The following CDK19 variants were observed in gnomAD, a reference collection of about 807,000 sequenced individuals.
CDK19 encodes the protein cyclin-dependent kinase 19.
CDK19 carries 20 observed loss-of-function variants against 68.3 expected under a neutral mutation model. That is an observed-to-expected ratio of 0.29 (90% CI 0.21 to 0.43). The LOEUF is 0.43. CDK19 is among the 20% of genes least tolerant of loss of function. CDK19 has a pLI of 1.00. For synonymous variants in CDK19, 221 were observed against 222.8 expected (o/e 0.99, Z 0.07); for missense variants, 339 against 623.5 (o/e 0.54, Z 4.86).
At chr6:110,626,147 C>T (rs1282911940) in intron 8 of CDK19, among the ~76,000 whole-genome samples, 1 of 152,166 alleles carries the variant, frequency 6.6e-6, no homozygotes, top group Non-Finnish European at 1.5e-5. Context: ...GAACTGAGAA[C>T]TTTATTCATG....
intron 1 of CDK19, among the ~76,000 whole-genome samples, chr6:110,785,034 T>C (rs1401913989): frequency 1.4e-5 from 2 of 145,858 alleles, no homozygotes; most frequent in African/African-American, 5.2e-5. Context: ...ATGGTGATAA[T>C]TATACAATCC....
intron 1 of CDK19, among the ~76,000 whole-genome samples, chr6:110,808,223 T>C (rs76519399): frequency 0.025 from 3,751 of 152,310 alleles, 77 homozygotes; most frequent in South Asian, 0.06. Flanking sequence ...TCACACTAAC[T>C]ACATTCCAGT....
chr6:110,723,194 G>A (rs1168847099), intron 2 of CDK19, among the ~76,000 whole-genome samples: 2 of 146,942 alleles, frequency 1.4e-5, no homozygotes, highest in Admixed American at 6.9e-5. Context: ...TTTAACATTC[G>A]AGGCCGCCAG....
Position 110,614,270 on chromosome 6 carries a change from C to A in CDK19, c.*265G>T. 1 of 310,698 alleles carries A rather than the reference C, an allele frequency of 3.2e-6. No homozygotes were observed. The highest frequency in any genetic ancestry group is 6.0e-6 in the Non-Finnish European group (1 of 167,414). 19.2% of individuals were successfully genotyped at this position (310,698 alleles called of 1,614,324 possible). ...AGAAATGCTGAAGGTTACAGAAGTG[C>A]TGGGATTAGATCAGACGCTTTATCA... is the stretch of plus-strand genomic sequence containing the variant. On this transcript the variant is annotated 3_prime_UTR_variant, in exon 13 of 13. Coordinates refer to ENST00000368911, the MANE Select transcript of CDK19 (RefSeq NM_015076.5).
At chr6:110,759,366 C>T (rs1176547727) in intron 1 of CDK19, among the ~76,000 whole-genome samples, 2 of 137,476 alleles carry the variant, frequency 1.5e-5, no homozygotes, top group Non-Finnish European at 3.0e-5. Context: ...GATGGCACCA[C>T]TGCACTCCAG....
chr6:110,734,520 G>GCTCTCTCCCTCTCTCTCTCTCTCTCTCT (rs1777052623), intron 2 of CDK19, among the ~76,000 whole-genome samples: 3 of 85,780 alleles, frequency 3.5e-5, no homozygotes, highest in Admixed American at 1.9e-4. Flanking sequence ...GGTGAGCACT[G>GCTCTCTCCCTCTCTCTCTCTCTCTCTCT]CTCTCTCTCT....
At chr6:110,769,794 T>A (rs1779879095) in intron 1 of CDK19, among the ~76,000 whole-genome samples, 1 of 152,114 alleles carries the variant, frequency 6.6e-6, no homozygotes, top group South Asian at 2.1e-4. Context: ...TATGTCTTGA[T>A]ACAGATACTC....
At chr6:110,640,167 T>C (rs894970693) in intron 4 of CDK19, among the ~76,000 whole-genome samples, 2 of 139,576 alleles carry the variant, frequency 1.4e-5, no homozygotes, top group African/African-American at 5.5e-5. Flanking sequence ...GCTACCAGGG[T>C]ACTACTGTGA....
intron 1 of CDK19, among the ~76,000 whole-genome samples, chr6:110,767,406 T>C (rs1293653341): frequency 6.7e-6 from 1 of 150,098 alleles, no homozygotes; most frequent in Non-Finnish European, 1.5e-5. Flanking sequence ...TGACCTGAGG[T>C]CAGGAGTTCG....
chr6:110,656,373 G>A (rs1341486972), intron 4 of CDK19, among the ~76,000 whole-genome samples: 4 of 152,146 alleles, frequency 2.6e-5, no homozygotes, highest in Admixed American at 2.6e-4. Context: ...AGCTAAAAAT[G>A]ACAATTAGGT....
chr6:110,675,237 G>A (rs1238519856), intron 2 of CDK19, among the ~76,000 whole-genome samples: 1 of 152,182 alleles, frequency 6.6e-6, no homozygotes, highest in Non-Finnish European at 1.5e-5. Flanking sequence ...AGCTTCAAAG[G>A]ACAGGCTGAC....
chr6:110,764,287 AG>A (rs1229962671), intron 1 of CDK19, among the ~76,000 whole-genome samples: 1 of 152,204 alleles, frequency 6.6e-6, no homozygotes, highest in Non-Finnish European at 1.5e-5. Context: ...CAAAAGACCC[AG>A]AATAACCAAT....
At chr6:110,717,713 T>C (rs1296134190) in intron 2 of CDK19, among the ~76,000 whole-genome samples, 1 of 152,122 alleles carries the variant, frequency 6.6e-6, no homozygotes, top group East Asian at 1.9e-4. Context: ...TGTTTTGTTT[T>C]GTTTTCAGGT....
chr6:110,807,043 T>C (rs1449793784), intron 1 of CDK19, among the ~76,000 whole-genome samples: 2 of 151,822 alleles, frequency 1.3e-5, no homozygotes, highest in East Asian at 3.9e-4. Flanking sequence ...CTTATGCCTG[T>C]AACCCCAGCA....
upstream of CDK19, chr6:110,815,492 G>A (rs114707597): frequency 2.3e-3 from 406 of 178,418 alleles, 2 homozygotes; most frequent in African/African-American, 9.3e-3. Context: ...GGTCGCGGAG[G>A]CTCCTGGGAA....
chr6:110,641,976 T>G (rs986519158), intron 4 of CDK19, among the ~76,000 whole-genome samples: 7 of 152,182 alleles, frequency 4.6e-5, no homozygotes, highest in Middle Eastern at 3.2e-3. Context: ...GAAATGCAAC[T>G]GGAAAACAAC....
At chr6:110,799,160 A>C (rs1199954097) in intron 1 of CDK19, among the ~76,000 whole-genome samples, 1 of 150,686 alleles carries the variant, frequency 6.6e-6, no homozygotes, top group Non-Finnish European at 1.5e-5. Context: ...AAAAAAAAAA[A>C]AAAAAAAAAA....
intron 2 of CDK19, 149 bp from the exon 3 acceptor site, chr6:110,670,690 C>A (rs911721947): frequency 3.0e-6 from 2 of 658,274 alleles, no homozygotes; most frequent in Middle Eastern, 2.4e-4. Context: ...AAAATACTGG[C>A]ATTCAGAGAT....
chr6:110,648,013 C>CT (rs1211700075), intron 4 of CDK19, among the ~76,000 whole-genome samples: 1 of 151,976 alleles, frequency 6.6e-6, no homozygotes, highest in East Asian at 1.9e-4. Flanking sequence ...AAAAAAACAG[C>CT]TGATAGAATT....
Sources: gnomAD v4.1 joint callset for allele counts (sites outside exome capture counted in the v4.1 genomes callset) on GRCh38, gnomAD v4.1.1 for gene constraint, MANE v1.5 for transcripts, NCBI Gene and HGNC (gene_info 2026-07-23, HGNC 2026-07-21) for gene names.